The following UBQLN1 variants were observed in gnomAD, a reference collection of about 807,000 sequenced individuals.
The protein encoded by UBQLN1 is ubiquilin-1.
UBQLN1 carries 13 observed loss-of-function variants against 65.4 expected under a neutral mutation model. The ratio of observed to expected loss-of-function variants is 0.20; its 90% CI spans 0.13 to 0.32. UBQLN1 has a LOEUF of 0.32. Ranked by LOEUF, UBQLN1 falls within the 10% of genes least tolerant of loss-of-function variation. The pLI is 1.00. For missense variants in UBQLN1, 561 were observed against 724.0 expected (o/e 0.77, Z 2.58); for synonymous variants, 267 against 247.8 (o/e 1.08, Z -0.73).
intron 6 of UBQLN1, among the ~76,000 whole-genome samples, chr9:83,675,619 G>A (rs1320643311): frequency 6.6e-6 from 1 of 152,206 alleles, no homozygotes; most frequent in Non-Finnish European, 1.5e-5. Flanking sequence ...GTGCAATTGA[G>A]GAGCTACTAC....
chr9:83,663,804 T>C, intron 10 of UBQLN1, 71 bp downstream of exon 10: 1 of 1,526,184 alleles, frequency 6.6e-7, no homozygotes, highest in Non-Finnish European at 8.9e-7. Context: ...TCTCCCTTTT[T>C]CCTTCTTTTT....
intron 1 of UBQLN1, among the ~76,000 whole-genome samples, chr9:83,696,783 C>T (rs1003974607): frequency 6.6e-6 from 1 of 152,116 alleles, no homozygotes; most frequent in Non-Finnish European, 1.5e-5. Flanking sequence ...AGAAAGTAAG[C>T]AAAACAGTCC....
In UBQLN1 at chr9:83,678,468, T is replaced by C; in HGVS notation, c.843A>G (p.Glu281=). 1 of 1,613,364 alleles carries C rather than the reference T, an allele frequency of 6.2e-7. No homozygotes were observed. Among genetic ancestry groups the C allele is most frequent in the Admixed American group, 1.7e-5 (1 of 59,920 alleles). Residue 281 remains glutamate (E), a synonymous_variant, in exon 5 of 11, where the codon GAA becomes GAG. Transcript: ENST00000376395. ...GCTCTTGTGCAGCACTCAGCATTGGTTCCTGAATATCTGTGTACATGCGCC... is the reference window on the plus strand; with the variant it reads ...GCTCTTGTGCAGCACTCAGCATTGGCTCCTGAATATCTGTGTACATGCGCC... The part of the protein sequence containing the change: ...ALRRMYTDIQ[E]PMLSAAQEQF...
In UBQLN1 at chr9:83,677,767, C is replaced by CCCAGAAGTGCCACTGGCAGTACTA. The variant is rs756397826; in HGVS notation, c.1041_1064dup (p.Ser348_Gly355dup). The CCCAGAAGTGCCACTGGCAGTACTA allele has an allele frequency of 8.7e-6, 14 of 1,614,046 alleles. No individual in the cohort carries two copies. The highest frequency in any genetic ancestry group is 1.2e-5 in the Non-Finnish European group (14 of 1,180,016). On this transcript the variant is annotated inframe_insertion, in exon 6 of 11. Coordinates refer to ENST00000376395, the MANE Select transcript of UBQLN1 (RefSeq NM_013438.5). ...CCAAATTTGGCGCAGTAGTACTCTG[C>CCCAGAAGTGCCACTGGCAGTACTA]CCAGAAGTGCCACTGGCAGTACTAC... is the stretch of plus-strand genomic sequence containing the variant.
rs1587652572 is a variant in UBQLN1 at position 83,685,151 on chromosome 9, G to A, written c.332+853C>T. 3.6e-5 allele frequency among the ~76,000 whole-genome samples: 5 copies of A among 139,520 alleles called. No homozygotes were observed. The East Asian group carries it at 2.9e-3, about 80-fold the overall frequency. The allele number at this position is 139,520 out of a possible 152,430, so 91.5% of individuals were successfully genotyped here. A position where few individuals can be genotyped will look rare whatever the true frequency, so the allele number is the denominator to read the frequency against. On this transcript the variant is annotated intron_variant, in intron 2 of 10. Coordinates refer to ENST00000376395, the MANE Select transcript of UBQLN1 (RefSeq NM_013438.5). ...ATGTATTCAGAATAGCACCAAAATAGAAGGAATATGTTGAATGAGTAAAGC... is the reference window on the plus strand; with the variant it reads ...ATGTATTCAGAATAGCACCAAAATAAAAGGAATATGTTGAATGAGTAAAGC...
intron 1 of UBQLN1, among the ~76,000 whole-genome samples, chr9:83,703,790 C>G (rs926259616): frequency 1.3e-5 from 2 of 152,142 alleles, no homozygotes; most frequent in Admixed American, 6.5e-5. Flanking sequence ...GAACAAGTAA[C>G]ATTATTAAAT....
chr9:83,666,278 G>C, intron 8 of UBQLN1, 72 bp downstream of exon 8: 3 of 1,459,726 alleles, frequency 2.1e-6, no homozygotes, highest in Non-Finnish European at 2.9e-6. Flanking sequence ...AGAAGAGCAA[G>C]GAAAAATGTT....
At chr9:83,704,226 T>A (rs1049931836) in intron 1 of UBQLN1, among the ~76,000 whole-genome samples, 6 of 152,222 alleles carry the variant, frequency 3.9e-5, no homozygotes, top group Non-Finnish European at 8.8e-5. Context: ...AAATTTTCAT[T>A]TGTAACAAAC....
chr9:83,664,113 C>T (rs1831606170), intron 9 of UBQLN1, 70 bp from the exon 10 acceptor site: 1 of 1,499,156 alleles, frequency 6.7e-7, no homozygotes, highest in African/African-American at 1.4e-5. Context: ...AAATCAGTTA[C>T]ATTTTAATAT....
chr9:83,706,980 T>C (rs1832419960), intron 1 of UBQLN1, among the ~76,000 whole-genome samples: 1 of 152,132 alleles, frequency 6.6e-6, no homozygotes, highest in African/African-American at 2.4e-5. Context: ...GTGGGAAAGA[T>C]TTCAGGAGTT....
chr9:83,666,505 T>A (rs1831645544), intron 7 of UBQLN1, 72 bp from the exon 8 acceptor site: 8 of 1,490,134 alleles, frequency 5.4e-6, no homozygotes, highest in Non-Finnish European at 7.4e-6. Flanking sequence ...TTTTATTCTA[T>A]CTTCCCCCAA....
At chr9:83,674,092 C>T (rs970545603) in intron 6 of UBQLN1, among the ~76,000 whole-genome samples, 2 of 152,042 alleles carry the variant, frequency 1.3e-5, no homozygotes, top group African/African-American at 4.8e-5. Flanking sequence ...AGCCACCATG[C>T]CACACCTGGC....
chr9:83,661,776 C>T lies in UBQLN1; in HGVS notation c.*11G>A. The T allele has an allele frequency of 6.3e-7, 1 of 1,583,058 alleles. No homozygotes were observed. Among genetic ancestry groups the T allele is most frequent in the Non-Finnish European group, 8.6e-7 (1 of 1,165,224 alleles). On this transcript the variant is annotated 3_prime_UTR_variant, in exon 11 of 11. Transcript: ENST00000376395. ...AAATAAATTACATTTTTTCAAGATACAGAAATGCTGCTATGATGGCTGGGA... is the reference window on the plus strand; with the variant it reads ...AAATAAATTACATTTTTTCAAGATATAGAAATGCTGCTATGATGGCTGGGA...
At chr9:83,688,148 G>C (rs1417727235) in intron 1 of UBQLN1, among the ~76,000 whole-genome samples, 1 of 152,154 alleles carries the variant, frequency 6.6e-6, no homozygotes, top group Non-Finnish European at 1.5e-5. Flanking sequence ...AATTAAACGA[G>C]AATGTATATA....
intron 1 of UBQLN1, among the ~76,000 whole-genome samples, chr9:83,706,478 G>A (rs992845231): frequency 5.3e-5 from 8 of 152,070 alleles, no homozygotes; most frequent in Admixed American, 3.3e-4. Flanking sequence ...ACTACCTTTG[G>A]AACTCGTTAA....
intron 6 of UBQLN1, among the ~76,000 whole-genome samples, chr9:83,676,671 G>A (rs1055124068): frequency 6.6e-6 from 1 of 152,096 alleles, no homozygotes; most frequent in African/African-American, 2.4e-5. Context: ...TTCTCATTCT[G>A]ATTCTTCTTT....
intron 1 of UBQLN1, among the ~76,000 whole-genome samples, chr9:83,688,516 A>AACT (rs1160308463): frequency 6.6e-6 from 1 of 152,114 alleles, no homozygotes; most frequent in Non-Finnish European, 1.5e-5. Flanking sequence ...CTGAACATAC[A>AACT]GTTATATAGC....
At chr9:83,698,028 G>A (rs945929874) in intron 1 of UBQLN1, among the ~76,000 whole-genome samples, 5 of 152,088 alleles carry the variant, frequency 3.3e-5, no homozygotes, top group Non-Finnish European at 7.4e-5. Context: ...GAGCCACCAT[G>A]CCTGGCCAGC....
chr9:83,663,137 A>G (rs1029255939), intron 10 of UBQLN1, among the ~76,000 whole-genome samples: 22 of 150,958 alleles, frequency 1.5e-4, no homozygotes, highest in Non-Finnish European at 2.5e-4. Flanking sequence ...GGGGAAGAGG[A>G]AAGGGAAAAG....
Sources: gnomAD v4.1 joint callset for allele counts (sites outside exome capture counted in the v4.1 genomes callset) on GRCh38, gnomAD v4.1.1 for gene constraint, MANE v1.5 for transcripts, NCBI Gene and HGNC (gene_info 2026-07-23, HGNC 2026-07-21) for gene names.